The following CENPE variants were observed in gnomAD, a reference collection of about 807,000 sequenced individuals.
CENPE encodes centromere-associated protein E.
CENPE carries 145 observed loss-of-function variants against 336.1 expected under a neutral mutation model. The ratio of observed to expected loss-of-function variants is 0.43; its 90% CI spans 0.38 to 0.50. CENPE has a LOEUF of 0.50. Among genes scored for constraint, CENPE ranks in the 20% least tolerant of loss-of-function variants. CENPE has a pLI of 0.00. For synonymous variants in CENPE, 1,013 were observed against 984.8 expected (o/e 1.03, Z -0.54); for missense variants, 2,719 against 3,023.3 (o/e 0.90, Z 2.36).
At chr4:103,161,585 T>C in intron 18 of CENPE, 128 bp from the exon 19 acceptor site, 1 of 706,406 alleles carries the variant, frequency 1.4e-6, no homozygotes, top group Non-Finnish European at 2.1e-6. Context: ...AGTTACCAAA[T>C]ATATAAAAAG....
At chr4:103,178,974 T>G (rs1756110000) in intron 13 of CENPE, among the ~76,000 whole-genome samples, 1 of 152,186 alleles carries the variant, frequency 6.6e-6, no homozygotes, top group Non-Finnish European at 1.5e-5. Flanking sequence ...TTCACACATT[T>G]GCATTTTCAA....
At chr4:103,187,964 T>C (rs931998120) in intron 8 of CENPE, among the ~76,000 whole-genome samples, 2 of 151,090 alleles carry the variant, frequency 1.3e-5, no homozygotes, top group African/African-American at 4.9e-5. Context: ...ACCAAGCAAA[T>C]GGAAAACAAA....
chr4:103,148,736 C>T (rs1753278471), intron 28 of CENPE, 108 bp downstream of exon 28: 3 of 992,418 alleles, frequency 3.0e-6, no homozygotes, highest in Admixed American at 2.2e-5. Flanking sequence ...CAAATACTTA[C>T]CCAGTCAATT....
intron 26 of CENPE, among the ~76,000 whole-genome samples, chr4:103,150,216 A>G (rs1753423451): frequency 6.6e-6 from 1 of 152,222 alleles, no homozygotes; most frequent in African/African-American, 2.4e-5. Context: ...AGTATGAAAT[A>G]GACATAAGGT....
At position 103,183,995 on chromosome 4, in the gene CENPE, G is replaced by A. The variant is rs142988615; in HGVS notation, c.746-707C>T. On this transcript the variant is annotated intron_variant, in intron 9 of 48. Coordinates refer to ENST00000265148, the MANE Select transcript of CENPE (RefSeq NM_001813.3). Reference sequence around the variant, plus strand: ...TTTAAAGTATAAAATTCCATTTTACGGCTGCATCAGACTTCATTCACCCAC... The same window carrying A: ...TTTAAAGTATAAAATTCCATTTTACAGCTGCATCAGACTTCATTCACCCAC... Among the ~76,000 whole-genome samples, 417 of 151,936 alleles carry A rather than the reference G, an allele frequency of 2.7e-3. 1 individual carries two copies. Among genetic ancestry groups the A allele is most frequent in the Middle Eastern group, 0.01 (3 of 294 alleles).
chr4:103,174,941 T>A, intron 15 of CENPE, 38 bp from the exon 16 acceptor site: 1 of 1,250,548 alleles, frequency 8.0e-7, no homozygotes, highest in Non-Finnish European at 1.1e-6. Flanking sequence ...ATCAGAAAAT[T>A]CAAATATTTT....
At chr4:103,108,578 A>T (rs149159502) in intron 48 of CENPE, among the ~76,000 whole-genome samples, 442 of 146,988 alleles carry the variant, frequency 3.0e-3, no homozygotes, top group Non-Finnish European at 5.1e-3. Flanking sequence ...CTAAAGGCTT[A>T]AAGGGTAGAC....
In CENPE at chr4:103,121,273, G is replaced by A. The variant is rs567130733; in HGVS notation, c.7144-940C>T. Among the ~76,000 whole-genome samples the A allele has an allele frequency of 2.8e-4, 43 of 152,160 alleles. 1 individual carries two copies. The South Asian group carries it at 3.7e-3, about 13-fold the overall frequency. The stretch of plus-strand genomic sequence containing the variant: ...ATAGTTCTGCTTTATTTTAAAACTT[G>A]AGAACATATTTTTTCCAGATCTTTC... On this transcript the variant is annotated intron_variant, in intron 43 of 48. Transcript: ENST00000265148.
intron 38 of CENPE, among the ~76,000 whole-genome samples, chr4:103,138,657 A>C (rs1381851477): frequency 6.6e-6 from 1 of 152,144 alleles, no homozygotes; most frequent in African/African-American, 2.4e-5. Context: ...TTGGTAAAAA[A>C]GTAGAAAAAT....
intron 26 of CENPE, among the ~76,000 whole-genome samples, chr4:103,150,504 AC>A (rs1404074478): frequency 6.6e-6 from 1 of 151,900 alleles, no homozygotes; most frequent in Non-Finnish European, 1.5e-5. Flanking sequence ...GACAGCCTGA[AC>A]CCAGGGGGGG....
rs1204012680 is a variant in CENPE at position 103,108,934 on chromosome 4, T to G, written c.7880A>C (p.Lys2627Thr). 1 of 1,613,832 alleles carries G rather than the reference T, an allele frequency of 6.2e-7. No individual in the cohort carries two copies. The highest frequency in any genetic ancestry group is 8.5e-7 in the Non-Finnish European group (1 of 1,179,874). The change falls in exon 48 of 49, where the codon AAG becomes ACG. Residue 2627 changes from lysine (K) to threonine (T), a missense_variant. By Grantham distance (78) the Lys-to-Thr change is moderately conservative (BLOSUM62 -1). Transcript: ENST00000265148. ...KKKQITPSQC[K>T]ERNLQDPVPK... ...CACAGGATCTTGTAAATTCCGTTCC[T>G]TGCATTGAGAGGGTGTAATTTGTTT...
chr4:103,171,983 C>T (rs1755454067), intron 16 of CENPE, among the ~76,000 whole-genome samples: 1 of 151,854 alleles, frequency 6.6e-6, no homozygotes, highest in Non-Finnish European at 1.5e-5. Context: ...TAAAAAGTCT[C>T]CTATCAAAGA....
At chr4:103,166,789 G>A (rs948693331) in intron 16 of CENPE, among the ~76,000 whole-genome samples, 2 of 152,102 alleles carry the variant, frequency 1.3e-5, no homozygotes. Flanking sequence ...CACTTTGCAA[G>A]TCTGATAACA....
At chr4:103,123,337 C>T (rs1274979557) in intron 42 of CENPE, among the ~76,000 whole-genome samples, 1 of 152,146 alleles carries the variant, frequency 6.6e-6, no homozygotes, top group Non-Finnish European at 1.5e-5. Flanking sequence ...GTCCAGCATA[C>T]ACTACTTGTT....
intron 24 of CENPE, among the ~76,000 whole-genome samples, chr4:103,156,970 C>T (rs1353491816): frequency 6.7e-6 from 1 of 149,484 alleles, no homozygotes; most frequent in African/African-American, 2.5e-5. Flanking sequence ...CCAAAAAGCA[C>T]ACGAAGATTC....
At chr4:103,111,761 T>G (rs988310036) in intron 46 of CENPE, among the ~76,000 whole-genome samples, 1 of 152,110 alleles carries the variant, frequency 6.6e-6, no homozygotes, top group Admixed American at 6.6e-5. Flanking sequence ...CCCCTTTAAG[T>G]TTTCTCGGTA....
intron 29 of CENPE, 36 bp downstream of exon 29, chr4:103,147,320 A>C (rs1233106639): frequency 3.9e-6 from 6 of 1,526,708 alleles, no homozygotes; most frequent in Non-Finnish European, 5.3e-6. Flanking sequence ...TTCTTATAAG[A>C]CACTTGTTAA....
Position 103,196,848 on chromosome 4 carries a change from T to A in CENPE, c.59A>T (p.Glu20Val). The change falls in exon 2 of 49, where the codon GAA (glutamate) becomes GTA (valine). Residue 20 changes from glutamate (E) to valine (V), a missense_variant and splice_region_variant. Around this residue, in one of 5 missense-constraint regions of CENPE, gnomAD observed 48 missense variants for 50.8 expected, o/e 0.94. Transcript: ENST00000265148. ...CVRVRPLNSREESLGETAQVY... is the reference protein window; with the variant it reads ...CVRVRPLNSRVESLGETAQVY... ...TTGGGCAGTTTCTCCAAGTGATTCT[T>A]CTCTAAAAGAATAAAAACACCGCAT... 6.6e-7 allele frequency: 1 copy of A among 1,504,618 alleles called. No individual in the cohort carries two copies. The highest frequency in any genetic ancestry group is 1.1e-5 in the South Asian group (1 of 87,178). The allele number at this position is 1,504,618 out of a possible 1,614,324, so 93.2% of individuals were successfully genotyped here. A position where few individuals can be genotyped will look rare whatever the true frequency, so the allele number is the denominator to read the frequency against.
At chr4:103,139,585 TA>T (rs1752363364) in intron 38 of CENPE, among the ~76,000 whole-genome samples, 1 of 152,154 alleles carries the variant, frequency 6.6e-6, no homozygotes. Context: ...TTTATAAAAA[TA>T]AAGAATTAAA....
Sources: gnomAD v4.1 joint callset for allele counts (sites outside exome capture counted in the v4.1 genomes callset) on GRCh38, gnomAD v4.1.1 for gene constraint, gnomAD v4.1.1 regional missense constraint, MANE v1.5 for transcripts, NCBI Gene and HGNC (gene_info 2026-07-23, HGNC 2026-07-21) for gene names.